The following PCSK6 variants were observed in gnomAD, a reference collection of about 807,000 sequenced individuals.
PCSK6 encodes the protein proprotein convertase subtilisin/kexin type 6.
A neutral mutation model predicts 123.3 loss-of-function variants in PCSK6; 85 were observed. That is an observed-to-expected ratio of 0.69 (90% CI 0.58 to 0.83). The LOEUF is 0.83. PCSK6 is among the 40% of genes least tolerant of loss of function. The pLI, the probability that PCSK6 is intolerant of heterozygous loss-of-function variation, is 0.00. For synonymous variants in PCSK6, 508 were observed against 516.0 expected (o/e 0.98, Z 0.21); for missense variants, 1,191 against 1,282.3 (o/e 0.93, Z 1.09).
chr15:101,425,645 T>C (rs1313491584), intron 6 of PCSK6, among the ~76,000 whole-genome samples: 1 of 152,182 alleles, frequency 6.6e-6, no homozygotes. Flanking sequence ...TATATATATA[T>C]ATTGCTTCAT....
chr15:101,421,540 G>C (rs2141089281), intron 6 of PCSK6, among the ~76,000 whole-genome samples: 1 of 152,212 alleles, frequency 6.6e-6, no homozygotes, highest in Non-Finnish European at 1.5e-5. Flanking sequence ...TTTTTCTCTT[G>C]AATCACTTGT....
chr15:101,399,102 T>C (rs2042510148), intron 6 of PCSK6, among the ~76,000 whole-genome samples: 4 of 152,094 alleles, frequency 2.6e-5, no homozygotes, highest in South Asian at 4.2e-4. Context: ...GGTTTGGCCA[T>C]GTTGGCCAGG....
intron 6 of PCSK6, among the ~76,000 whole-genome samples, chr15:101,416,383 G>A (rs188794562): frequency 1.3e-5 from 2 of 152,290 alleles, no homozygotes; most frequent in East Asian, 3.9e-4. Flanking sequence ...AGGTGACTTG[G>A]GTGCTGTTAA....
In PCSK6 at chr15:101,370,369, G is replaced by C; in HGVS notation, c.1687C>G (p.Pro563Ala). The C allele has an allele frequency of 1.3e-6, 2 of 1,553,596 alleles. No homozygotes were observed. The highest frequency in any genetic ancestry group is 1.7e-6 in the Non-Finnish European group (2 of 1,148,146). Reference sequence around the variant, plus strand: ...AGAAGTTGAGACTTGGTTCCCGAGGGAGAAACCAGGTAGATCTGGAGGTCT... The same window carrying C: ...AGAAGTTGAGACTTGGTTCCCGAGGCAGAAACCAGGTAGATCTGGAGGTCT... ...RGDLQIYLVS[P>A]SGTKSQLLAK... Residue 563 changes from proline (P) to alanine (A), a missense_variant, in exon 12 of 22, where the codon CCC (proline) becomes GCC (alanine). Pro to Ala is a conservative substitution (Grantham distance 27, BLOSUM62 -1). Transcript: ENST00000611716.
intron 1 of PCSK6, among the ~76,000 whole-genome samples, chr15:101,448,644 C>T (rs1230672961): frequency 1.3e-5 from 2 of 152,220 alleles, no homozygotes; most frequent in African/African-American, 4.8e-5. Context: ...TTATGACCAT[C>T]CTCATCTGAC....
intron 19 of PCSK6, among the ~76,000 whole-genome samples, chr15:101,315,588 G>A (rs907174957): frequency 3.3e-5 from 5 of 152,346 alleles, no homozygotes; most frequent in Admixed American, 3.3e-4. Flanking sequence ...AACAGAAAGC[G>A]TTTTCCTTTC....
At position 101,304,014 on chromosome 15, in the gene PCSK6, A is replaced by C. The variant is rs112505264; in HGVS notation, c.*1244T>G. The C allele has an allele frequency of 0.035, 5,345 of 152,724 alleles. 111 individuals carry two copies. Among genetic ancestry groups the C allele is most frequent in the Middle Eastern group, 0.095 (28 of 294 alleles). 9.5% of individuals were successfully genotyped at this position (152,724 alleles called of 1,614,324 possible). A position where few individuals can be genotyped will look rare whatever the true frequency, so the allele number is the denominator to read the frequency against. On this transcript the variant is annotated 3_prime_UTR_variant, in exon 22 of 22. Transcript: ENST00000611716. The stretch of plus-strand genomic sequence containing the variant: ...TCTCTTTCAGAGTTGTAGATTCAAT[A>C]AACAACATCTGGGTTCTCTCCAGCT...
intron 19 of PCSK6, among the ~76,000 whole-genome samples, chr15:101,314,766 G>A (rs1428667143): frequency 1.3e-5 from 2 of 152,176 alleles, no homozygotes; most frequent in Non-Finnish European, 2.9e-5. Context: ...ACCTCAAGGG[G>A]CCTCTTGAGG....
At chr15:101,467,773 C>G (rs1157083903) in intron 1 of PCSK6, among the ~76,000 whole-genome samples, 1 of 152,138 alleles carries the variant, frequency 6.6e-6, no homozygotes, top group African/African-American at 2.4e-5. Flanking sequence ...CTCAGAATAC[C>G]CCACACAGTA....
intron 2 of PCSK6, among the ~76,000 whole-genome samples, chr15:101,433,650 G>A (rs539699577): frequency 2.4e-4 from 36 of 152,372 alleles, no homozygotes; most frequent in African/African-American, 8.2e-4. Context: ...GTGACCCAAG[G>A]CTGGCGACCC....
At chr15:101,436,920 C>T (rs984101495) in intron 2 of PCSK6, among the ~76,000 whole-genome samples, 1 of 152,206 alleles carries the variant, frequency 6.6e-6, no homozygotes, top group Non-Finnish European at 1.5e-5. Flanking sequence ...GCAACGTGGC[C>T]CTTCTCTCAC....
rs138742434 is a variant in PCSK6 at position 101,437,159 on chromosome 15, C to A, written c.403-5059G>T. Among the ~76,000 whole-genome samples the A allele has an allele frequency of 1.5e-3, 227 of 152,350 alleles. 2 individuals are homozygous for A. Among genetic ancestry groups the A allele is most frequent in the African/African-American group, 5.0e-3 (210 of 41,590 alleles). ...CCCCAAATGGCTAAGAACCACTGAA[C>A]CAAGCTAGACAGAGGCAGAAAGCAG... On this transcript the variant is annotated intron_variant, in intron 2 of 21. Coordinates refer to ENST00000611716, the MANE Select transcript of PCSK6 (RefSeq NM_002570.5).
rs185909651 is a variant in PCSK6, at chr15:101,326,253, A to G, written c.2180+124T>C. 3.3e-3 allele frequency: 2,286 copies of G among 688,786 alleles called. 7 individuals carry two copies. The highest frequency in any genetic ancestry group is 4.0e-3 in the Non-Finnish European group (1,609 of 402,550). 42.7% of individuals were successfully genotyped at this position (688,786 alleles called of 1,614,324 possible). A position where few individuals can be genotyped will look rare whatever the true frequency, so the allele number is the denominator to read the frequency against. On this transcript the variant is annotated intron_variant, in intron 16 of 21. Coordinates refer to ENST00000611716, the MANE Select transcript of PCSK6 (RefSeq NM_002570.5). Reference sequence around the variant, plus strand: ...TAAAAACTCCAAAGCAGTTAACTTCAGTGTGATGATTGTTTGGGGGTGCTA... The same window carrying G: ...TAAAAACTCCAAAGCAGTTAACTTCGGTGTGATGATTGTTTGGGGGTGCTA...
At chr15:101,309,993 G>A (rs549509939) in intron 20 of PCSK6, among the ~76,000 whole-genome samples, 44 of 152,336 alleles carry the variant, frequency 2.9e-4, no homozygotes, top group African/African-American at 9.9e-4. Context: ...ATGTTCCAAC[G>A]CAGCCCGTCT....
At chr15:101,319,916 C>G (rs927686727) in intron 18 of PCSK6, among the ~76,000 whole-genome samples, 4 of 152,148 alleles carry the variant, frequency 2.6e-5, no homozygotes, top group East Asian at 1.9e-4. Flanking sequence ...GCCAATTAAT[C>G]GAACCCAAGG....
Position 101,382,251 on chromosome 15 carries a change from C to G in PCSK6, c.1415-42G>C, listed in dbSNP as rs554106772. On this transcript the variant is annotated intron_variant, in intron 10 of 21. Transcript: ENST00000611716. ...TTCAGAGCCAGGCTCTCCTGCCTCT[C>G]CCAGGAAGGGAGCAAGGCTGGCTCT... 5.2e-5 allele frequency: 75 copies of G among 1,442,776 alleles called. 2 individuals carry two copies. The South Asian group carries it at 9.1e-4, about 17-fold the overall frequency. The allele number at this position is 1,442,776 out of a possible 1,614,324, so 89.4% of individuals were successfully genotyped here.
At chr15:101,321,853 G>T (rs957982453) in intron 18 of PCSK6, among the ~76,000 whole-genome samples, 1 of 152,256 alleles carries the variant, frequency 6.6e-6, no homozygotes, top group African/African-American at 2.4e-5. Context: ...CCTACTATGG[G>T]AGTGTCCCCC....
chr15:101,431,028 A>G (rs548014035), intron 4 of PCSK6, among the ~76,000 whole-genome samples: 10 of 152,154 alleles, frequency 6.6e-5, no homozygotes, highest in African/African-American at 2.2e-4. Flanking sequence ...TGTTGCTACT[A>G]TCTGTACGCT....
intron 1 of PCSK6, among the ~76,000 whole-genome samples, chr15:101,444,915 G>C (rs547336249): frequency 1.3e-5 from 2 of 152,276 alleles, no homozygotes; most frequent in South Asian, 4.1e-4. Flanking sequence ...AGGAGTGCAA[G>C]AGAGAGCCTC....
Sources: gnomAD v4.1 joint callset for allele counts (sites outside exome capture counted in the v4.1 genomes callset) on GRCh38, gnomAD v4.1.1 for gene constraint, MANE v1.5 for transcripts, NCBI Gene and HGNC (gene_info 2026-07-23, HGNC 2026-07-21) for gene names.